The following ST6GALNAC3 variants were observed in gnomAD, a reference collection of about 807,000 sequenced individuals.
ST6GALNAC3 encodes the protein alpha-N-acetylgalactosaminide alpha-2,6-sialyltransferase 3.
Under a neutral mutation model 32.7 loss-of-function variants are expected in ST6GALNAC3, and 25 were observed. The observed-to-expected ratio is 0.76, with a 90% CI of 0.56 to 1.07. ST6GALNAC3 has a LOEUF of 1.07. ST6GALNAC3 is among the 50% of genes least tolerant of loss of function. The pLI is 0.00. For synonymous variants in ST6GALNAC3, 129 were observed against 133.1 expected (o/e 0.97, Z 0.21); for missense variants, 355 against 382.4 (o/e 0.93, Z 0.60).
intron 1 of ST6GALNAC3, among the ~76,000 whole-genome samples, chr1:76,223,970 G>A (rs1351851375): frequency 6.6e-6 from 1 of 152,176 alleles, no homozygotes; most frequent in Admixed American, 6.6e-5. Context: ...GACCCTGAAA[G>A]CTATCCTTGA....
chr1:76,478,595 A>C (rs1192447638), intron 3 of ST6GALNAC3, among the ~76,000 whole-genome samples: 1 of 151,930 alleles, frequency 6.6e-6, no homozygotes, highest in Non-Finnish European at 1.5e-5. Flanking sequence ...TCAGACAGAA[A>C]ATTTGTTTTT....
intron 3 of ST6GALNAC3, among the ~76,000 whole-genome samples, chr1:76,488,028 CT>C (rs1295299916): frequency 1.3e-5 from 2 of 152,162 alleles, no homozygotes; most frequent in Admixed American, 1.3e-4. Flanking sequence ...GCAGCGGAGG[CT>C]GCAGAACAGA....
At chr1:76,576,563 C>A (rs1391592587) in intron 3 of ST6GALNAC3, among the ~76,000 whole-genome samples, 1 of 151,930 alleles carries the variant, frequency 6.6e-6, no homozygotes, top group Non-Finnish European at 1.5e-5. Flanking sequence ...GAAATATTAG[C>A]CTTCGGAGAC....
At position 76,321,928 on chromosome 1, in the gene ST6GALNAC3, T is replaced by A. The variant is rs187897592; in HGVS notation, c.213+7929T>A. On this transcript the variant is annotated intron_variant, in intron 2 of 4. Coordinates refer to ENST00000328299, the MANE Select transcript of ST6GALNAC3 (RefSeq NM_152996.4). ...AGTCAAACTAGATTGATTTTCACTT[T>A]ACAAATCACATTTTTTATTGATGAA... Among the ~76,000 whole-genome samples the A allele has an allele frequency of 3.7e-3, 561 of 152,316 alleles. 5 individuals carry two copies. The highest frequency in any genetic ancestry group is 0.013 in the African/African-American group (545 of 41,572).
intron 1 of ST6GALNAC3, among the ~76,000 whole-genome samples, chr1:76,112,621 C>G (rs1242397335): frequency 2.7e-5 from 4 of 150,270 alleles, no homozygotes; most frequent in Admixed American, 2.0e-4. Context: ...ACTTCTCAGA[C>G]GGGGCGGTTG....
chr1:76,274,315 A>G (rs1345701188), intron 1 of ST6GALNAC3, among the ~76,000 whole-genome samples: 3 of 152,154 alleles, frequency 2.0e-5, no homozygotes, highest in Admixed American at 1.3e-4. Context: ...ACCCTTTTAA[A>G]TACATACCTG....
chr1:76,209,155 G>A (rs1654998059), intron 1 of ST6GALNAC3, among the ~76,000 whole-genome samples: 1 of 152,284 alleles, frequency 6.6e-6, no homozygotes, highest in African/African-American at 2.4e-5. Flanking sequence ...TTGGTAGATT[G>A]ATTGCTAAGT....
chr1:76,353,262 C>A (rs981025637), intron 2 of ST6GALNAC3, among the ~76,000 whole-genome samples: 2 of 152,182 alleles, frequency 1.3e-5, no homozygotes, highest in Non-Finnish European at 2.9e-5. Flanking sequence ...TTTCCTCTCC[C>A]TGTACGTTCT....
At chr1:76,316,497 G>A (rs1646868942) in intron 2 of ST6GALNAC3, among the ~76,000 whole-genome samples, 1 of 152,006 alleles carries the variant, frequency 6.6e-6, no homozygotes, top group Admixed American at 6.6e-5. Flanking sequence ...ATAAAGCAAA[G>A]TACACAATGT....
At chr1:76,265,378 T>C (rs1570626046) in intron 1 of ST6GALNAC3, among the ~76,000 whole-genome samples, 1 of 152,176 alleles carries the variant, frequency 6.6e-6, no homozygotes, top group East Asian at 1.9e-4. Flanking sequence ...CTAATCATTT[T>C]AAATCAAGAC....
At chr1:76,122,447 GCTCT>G (rs201343612) in intron 1 of ST6GALNAC3, among the ~76,000 whole-genome samples, 1 of 152,014 alleles carries the variant, frequency 6.6e-6, no homozygotes, top group Non-Finnish European at 1.5e-5. Context: ...CAAGTGAACA[GCTCT>G]CTCTCTCTCA....
intron 1 of ST6GALNAC3, among the ~76,000 whole-genome samples, chr1:76,186,119 A>G (rs906268661): frequency 3.9e-5 from 6 of 152,110 alleles, no homozygotes; most frequent in Non-Finnish European, 8.8e-5. Flanking sequence ...ATGGTTCAGA[A>G]TTTAGCTCAG....
chr1:76,281,297 T>C (rs905406194), intron 1 of ST6GALNAC3, among the ~76,000 whole-genome samples: 20 of 152,214 alleles, frequency 1.3e-4, no homozygotes, highest in Non-Finnish European at 2.8e-4. Context: ...ATTAAACAAA[T>C]GCACACTTAA....
intron 3 of ST6GALNAC3, among the ~76,000 whole-genome samples, chr1:76,451,116 T>G (rs1214303168): frequency 6.6e-6 from 1 of 152,202 alleles, no homozygotes; most frequent in African/African-American, 2.4e-5. Context: ...GGGAATTGCA[T>G]TGAATTTGCA....
chr1:76,229,532 C>A, intron 1 of ST6GALNAC3, among the ~76,000 whole-genome samples: 1 of 152,202 alleles, frequency 6.6e-6, no homozygotes, highest in East Asian at 1.9e-4. Context: ...GTGGCTGACT[C>A]CCTGCCTCTA....
At chr1:76,244,386 T>A (rs1657141726) in intron 1 of ST6GALNAC3, among the ~76,000 whole-genome samples, 1 of 152,204 alleles carries the variant, frequency 6.6e-6, no homozygotes, top group Non-Finnish European at 1.5e-5. Flanking sequence ...AATCATGTCA[T>A]CTGCAAACAG....
At chr1:76,152,609 A>G (rs1651116132) in intron 1 of ST6GALNAC3, among the ~76,000 whole-genome samples, 1 of 152,232 alleles carries the variant, frequency 6.6e-6, no homozygotes, top group Admixed American at 6.5e-5. Flanking sequence ...CCAAGGACAA[A>G]ACACACTGAG....
chr1:76,145,474 T>C lies in ST6GALNAC3; in HGVS notation c.18+70590T>C, dbSNP rs192805131. 9.2e-5 allele frequency among the ~76,000 whole-genome samples: 14 copies of C among 152,324 alleles called. No homozygotes were observed. The East Asian group carries it at 2.5e-3, about 27-fold the overall frequency. ...CTCCACCTTAGACCCACTGACTCAA[T>C]CTGAATCTTGACAAGGTTCCTGTAT... On this transcript the variant is annotated intron_variant, in intron 1 of 4. Coordinates refer to ENST00000328299, the MANE Select transcript of ST6GALNAC3 (RefSeq NM_152996.4).
At chr1:76,494,431 A>ATG (rs1557487318) in intron 3 of ST6GALNAC3, among the ~76,000 whole-genome samples, 9 of 17,024 alleles carry the variant, frequency 5.3e-4, no homozygotes, top group Admixed American at 7.7e-4. Context: ...GTGCATGTGT[A>ATG]TATATATATA....
Sources: gnomAD v4.1 joint callset for allele counts (sites outside exome capture counted in the v4.1 genomes callset) on GRCh38, gnomAD v4.1.1 for gene constraint, MANE v1.5 for transcripts, NCBI Gene and HGNC (gene_info 2026-07-23, HGNC 2026-07-21) for gene names.